Variants in VPS13B observed in about 807,000 individuals in gnomAD.
VPS13B encodes vacuolar protein sorting 13 homolog B.
Under a neutral mutation model 426.4 loss-of-function variants are expected in VPS13B, and 285 were observed. The ratio of observed to expected loss-of-function variants is 0.67; its 90% confidence interval spans 0.61 to 0.74. The LOEUF (loss-of-function observed/expected upper bound fraction) is 0.74, where lower values mean the gene tolerates loss of function less well. Ranked by LOEUF, VPS13B falls within the 30% of genes least tolerant of loss-of-function variation. VPS13B has a pLI of 0.00. For missense variants in VPS13B, 4,537 were observed against 4,782.6 expected, an observed-to-expected ratio of 0.95 and a Z score of 1.51; for synonymous variants, 1,676 against 1,676.4, an observed-to-expected ratio of 1.00 and a Z score of 0.01.
intron 15 of VPS13B, among the ~76,000 whole-genome samples, chr8:99,168,239 A>G (rs1263685650): frequency 6.6e-6 from 1 of 152,152 alleles, no homozygotes; most frequent in Non-Finnish European, 1.5e-5. Flanking sequence ...TCTAGGCAAC[A>G]CAAAAGTATA....
intron 17 of VPS13B, among the ~76,000 whole-genome samples, chr8:99,194,498 T>C (rs1175384406): frequency 6.6e-6 from 1 of 152,230 alleles, no homozygotes; most frequent in Non-Finnish European, 1.5e-5. Flanking sequence ...AGTTTGACTT[T>C]TTTAGATACC....
chr8:99,217,369 TTTGAG>T (rs1424477233), intron 17 of VPS13B, among the ~76,000 whole-genome samples: 3 of 152,142 alleles, frequency 2.0e-5, no homozygotes, highest in African/African-American at 4.8e-5. Context: ...ACACAGCATG[TTTGAG>T]TCTTAATTCC....
chr8:99,871,524 G>C lies in VPS13B; in HGVS notation c.11572G>C (p.Glu3858Gln), dbSNP rs910829293. 4 of 1,614,228 alleles carry C rather than the reference G, an allele frequency of 2.5e-6. No homozygotes were observed. In the South Asian group the frequency reaches 3.3e-5, roughly 13 times the overall value. The stretch of plus-strand genomic sequence containing the variant: ...GGTTCTGGTGAGGGGCTCAGGCCAG[G>C]AGCATGAAGGGTGCTTGCTGCTGAC... ...DVVLVRGSGQ[E>Q]HEGCLLLTSE... The change falls in exon 61 of 62, where the codon GAG becomes CAG. Residue 3858 changes from glutamate (E) to glutamine (Q), a missense_variant. Coordinates refer to ENST00000357162, the MANE Select transcript of VPS13B (RefSeq NM_152564.5).
At chr8:99,025,277 A>T (rs1842079295) in intron 2 of VPS13B, among the ~76,000 whole-genome samples, 3 of 151,904 alleles carry the variant, frequency 2.0e-5, no homozygotes, top group African/African-American at 4.8e-5. Flanking sequence ...GTTTCAAAAA[A>T]TTTTTTTCCC....
chr8:99,278,757 A>G (rs1230436723), intron 19 of VPS13B, among the ~76,000 whole-genome samples: 2 of 152,222 alleles, frequency 1.3e-5, no homozygotes, highest in African/African-American at 4.8e-5. Context: ...GCACTGTCAA[A>G]AGAGCCACAC....
At chr8:99,228,428 T>C (rs1385448962) in intron 17 of VPS13B, among the ~76,000 whole-genome samples, 3 of 152,190 alleles carry the variant, frequency 2.0e-5, no homozygotes, top group African/African-American at 7.2e-5. Context: ...CTAAAAAATT[T>C]AAAACGAATA....
At chr8:99,300,228 T>C (rs2133069290) in intron 19 of VPS13B, among the ~76,000 whole-genome samples, 1 of 151,790 alleles carries the variant, frequency 6.6e-6, no homozygotes, top group Admixed American at 6.5e-5. Flanking sequence ...GGAAGCCATC[T>C]ATTGTCTGCA....
chr8:99,051,905 G>A (rs979526630), intron 3 of VPS13B, among the ~76,000 whole-genome samples: 7 of 152,160 alleles, frequency 4.6e-5, no homozygotes, highest in East Asian at 1.9e-4. Flanking sequence ...TGCTGAAGTC[G>A]CCTATCAGCT....
At chr8:99,733,859 C>T (rs1833701458) in intron 39 of VPS13B, among the ~76,000 whole-genome samples, 1 of 152,106 alleles carries the variant, frequency 6.6e-6, no homozygotes, top group African/African-American at 2.4e-5. Flanking sequence ...TTTTTAGCAG[C>T]TTTATTGAGA....
At position 99,592,220 on chromosome 8, in the gene VPS13B, CT is replaced by C. The variant is rs1253524421; in HGVS notation, c.5220+14593del. Among the ~76,000 whole-genome samples, 5 of 152,088 alleles carry C rather than the reference CT, an allele frequency of 3.3e-5. No individual in the cohort carries two copies. In the East Asian group the frequency reaches 9.7e-4, roughly 29 times the overall value. ...TATTCTAGTTAGCCATTCATCTAAT[CT>C]TTTTTCAAGGTTTTTAGCTTCCTTG... On this transcript the variant is annotated intron_variant, in intron 33 of 61. Transcript: ENST00000357162.
intron 35 of VPS13B, among the ~76,000 whole-genome samples, chr8:99,687,067 G>T (rs1359451875): frequency 6.6e-6 from 1 of 152,002 alleles, no homozygotes; most frequent in South Asian, 2.1e-4. Context: ...TGGCTCTTCA[G>T]TCAGCAGGTG....
intron 43 of VPS13B, among the ~76,000 whole-genome samples, chr8:99,797,326 G>GA (rs1232644210): frequency 2.0e-5 from 3 of 151,774 alleles, no homozygotes; most frequent in Admixed American, 1.3e-4. Flanking sequence ...TACAGCCTCT[G>GA]ACTCCGGGGC....
rs571931398 is a variant in VPS13B at position 99,333,522 on chromosome 8, T to C, written c.2825-50686T>C. Among the ~76,000 whole-genome samples, 2 of 151,996 alleles carry C rather than the reference T, an allele frequency of 1.3e-5. 1 individual carries two copies. The highest frequency in any genetic ancestry group is 4.1e-4 in the South Asian group (2 of 4,830). On this transcript the variant is annotated intron_variant, in intron 19 of 61. Coordinates refer to ENST00000357162, the MANE Select transcript of VPS13B (RefSeq NM_152564.5). ...CCCCTGCTTTACTGGTATTCATTTGTGTTTGTATGTATTTAATTATATGTA... is the reference window on the plus strand; with the variant it reads ...CCCCTGCTTTACTGGTATTCATTTGCGTTTGTATGTATTTAATTATATGTA...
intron 17 of VPS13B, among the ~76,000 whole-genome samples, chr8:99,204,346 A>G (rs572971412): frequency 1.3e-5 from 2 of 152,354 alleles, no homozygotes; most frequent in African/African-American, 4.8e-5. Flanking sequence ...TACATCTTAT[A>G]CAAAAATTAA....
At chr8:99,718,214 G>A (rs946338326) in intron 37 of VPS13B, among the ~76,000 whole-genome samples, 1 of 151,966 alleles carries the variant, frequency 6.6e-6, no homozygotes, top group South Asian at 2.1e-4. Flanking sequence ...TGAGTGGGTA[G>A]AACTATGTGC....
chr8:99,729,275 GACCTC>G (rs1212053469), intron 39 of VPS13B, among the ~76,000 whole-genome samples: 1 of 152,120 alleles, frequency 6.6e-6, no homozygotes, highest in Non-Finnish European at 1.5e-5. Context: ...GGTTTGTGTT[GACCTC>G]TCACTGACAA....
Position 99,390,996 on chromosome 8 carries a change from A to G in VPS13B, c.2935-561A>G, listed in dbSNP as rs187094598. Among the ~76,000 whole-genome samples, 592 of 152,260 alleles carry G rather than the reference A, an allele frequency of 3.9e-3. 7 individuals are homozygous for G. Among genetic ancestry groups the G allele is most frequent in the African/African-American group, 0.014 (563 of 41,548 alleles). On this transcript the variant is annotated intron_variant, in intron 20 of 61. Transcript: ENST00000357162. ...TTTTTCTGTGCTTTCTGAATATGCT[A>G]TGGATATCTTTTGTCAGACAAAACG...
intron 61 of VPS13B, 127 bp from the exon 62 acceptor site, chr8:99,875,291 G>T: frequency 7.6e-7 from 1 of 1,311,426 alleles, no homozygotes; most frequent in Non-Finnish European, 1.1e-6. Context: ...GAAACATTCT[G>T]GATTAATGGC....
intron 19 of VPS13B, among the ~76,000 whole-genome samples, chr8:99,278,453 A>G (rs1449349189): frequency 6.6e-6 from 1 of 152,234 alleles, no homozygotes; most frequent in East Asian, 1.9e-4. Context: ...ACATTTGTGT[A>G]AATTGTTTTA....
Sources: allele counts gnomAD v4.1 joint callset (sites outside exome capture counted in the v4.1 genomes callset), GRCh38; gene constraint gnomAD v4.1.1; transcripts MANE v1.5; gene names NCBI Gene and HGNC (gene_info 2026-07-23, HGNC 2026-07-21).